The following IQCJ variants were observed in gnomAD, a reference collection of about 807,000 sequenced individuals.
The protein encoded by IQCJ is IQ motif containing J, also known as IQ domain-containing protein J.
In IQCJ, 9 loss-of-function variants were observed where a neutral mutation model predicts 11.0. That is an observed-to-expected ratio of 0.82 (90% CI 0.49 to 1.43). IQCJ has a LOEUF of 1.43. IQCJ is among the 40% of genes most tolerant of loss of function. IQCJ has a pLI of 0.00. For missense variants in IQCJ, 146 were observed against 133.2 expected, an observed-to-expected ratio of 1.10 and a Z score of -0.47; for synonymous variants, 55 against 51.3, an observed-to-expected ratio of 1.07 and a Z score of -0.31.
At chr3:159,093,235 T>C (rs1212901220) in intron 1 of IQCJ, among the ~76,000 whole-genome samples, 1 of 151,800 alleles carries the variant, frequency 6.6e-6, no homozygotes, top group Non-Finnish European at 1.5e-5. Flanking sequence ...TAGACTCTCG[T>C]GACAATTTGG....
intron 1 of IQCJ, among the ~76,000 whole-genome samples, chr3:159,113,588 A>G (rs868379829): frequency 8.5e-5 from 13 of 152,256 alleles, no homozygotes; most frequent in Non-Finnish European, 1.5e-5. Flanking sequence ...GAGTTCAAAG[A>G]TAGCTCTGCC....
At chr3:159,255,676 C>T (rs1560044716) in intron 3 of IQCJ, among the ~76,000 whole-genome samples, 2 of 152,092 alleles carry the variant, frequency 1.3e-5, no homozygotes, top group Non-Finnish European at 2.9e-5. Context: ...GGTCCATTAC[C>T]TGGTTCATGA....
At chr3:159,082,838 A>G (rs1185305660) in intron 1 of IQCJ, among the ~76,000 whole-genome samples, 1 of 152,110 alleles carries the variant, frequency 6.6e-6, no homozygotes, top group Admixed American at 6.6e-5. Flanking sequence ...GAAAAGGAAG[A>G]GGGAGACCCA....
chr3:159,215,838 C>T (rs764999038), intron 1 of IQCJ, among the ~76,000 whole-genome samples: 1 of 151,902 alleles, frequency 6.6e-6, no homozygotes, highest in Admixed American at 6.6e-5. Flanking sequence ...CAATTTTCTC[C>T]TACATTACAC....
chr3:159,123,104 G>T (rs1214572034), intron 1 of IQCJ, among the ~76,000 whole-genome samples: 1 of 151,756 alleles, frequency 6.6e-6, no homozygotes, highest in African/African-American at 2.4e-5. Context: ...TATGCTTGAG[G>T]TAACACAACA....
At chr3:159,137,351 C>G (rs1234941224) in intron 1 of IQCJ, among the ~76,000 whole-genome samples, 1 of 151,840 alleles carries the variant, frequency 6.6e-6, no homozygotes, top group Non-Finnish European at 1.5e-5. Context: ...ATGCATAAAG[C>G]TATTCATGTG....
At chr3:159,236,178 G>T (rs1726571851) in intron 1 of IQCJ, among the ~76,000 whole-genome samples, 1 of 149,834 alleles carries the variant, frequency 6.7e-6, no homozygotes, top group African/African-American at 2.5e-5. Context: ...GTGTTTAGCT[G>T]CAAGGTAACT....
chr3:159,141,471 T>A (rs116306050), intron 1 of IQCJ, among the ~76,000 whole-genome samples: 3,159 of 152,268 alleles, frequency 0.021, 90 homozygotes, highest in African/African-American at 0.072. Flanking sequence ...ATAATAACAA[T>A]CTCTTTAGAA....
At chr3:159,253,934 G>T (rs1054792496) in intron 3 of IQCJ, among the ~76,000 whole-genome samples, 2 of 152,184 alleles carry the variant, frequency 1.3e-5, no homozygotes, top group Admixed American at 6.5e-5. Context: ...CCAGTAAAAA[G>T]CTTGCCTCTG....
intron 1 of IQCJ, among the ~76,000 whole-genome samples, chr3:159,227,029 C>G (rs1474613167): frequency 1.3e-5 from 2 of 152,208 alleles, no homozygotes; most frequent in Non-Finnish European, 2.9e-5. Context: ...TAATACCAGA[C>G]AGCTGCTGAA....
intron 1 of IQCJ, among the ~76,000 whole-genome samples, chr3:159,151,700 A>G (rs977718966): frequency 5.3e-5 from 8 of 152,168 alleles, no homozygotes; most frequent in Non-Finnish European, 1.2e-4. Flanking sequence ...CAGTGGCGCT[A>G]TATTGGTTCA....
intron 1 of IQCJ, among the ~76,000 whole-genome samples, chr3:159,163,283 G>T (rs1160383402): frequency 1.3e-5 from 2 of 152,118 alleles, no homozygotes; most frequent in African/African-American, 4.8e-5. Flanking sequence ...ACAAATCAAT[G>T]AATGTAATCC....
At chr3:159,178,774 T>C (rs986359402) in intron 1 of IQCJ, among the ~76,000 whole-genome samples, 2 of 152,142 alleles carry the variant, frequency 1.3e-5, no homozygotes, top group African/African-American at 4.8e-5. Flanking sequence ...GGAAGTGTTA[T>C]TATCTCAGTT....
chr3:159,139,858 C>A lies in IQCJ; in HGVS notation c.9+70417C>A, dbSNP rs1001342485. On this transcript the variant is annotated intron_variant, in intron 1 of 3. Transcript: ENST00000397832. ...ATTAGATATAAGATGTGGTATTATG[C>A]CCATTTGCCTAATAAAGAAATATTG... Among the ~76,000 whole-genome samples the A allele has an allele frequency of 2.0e-5, 3 of 152,154 alleles. No individual in the cohort carries two copies. In the South Asian group the frequency reaches 6.2e-4, roughly 32 times the overall value.
chr3:159,126,415 T>A (rs1277174989), intron 1 of IQCJ, among the ~76,000 whole-genome samples: 1 of 152,230 alleles, frequency 6.6e-6, no homozygotes, highest in African/African-American at 2.4e-5. Flanking sequence ...ATTTCCTCTC[T>A]CTGGAGTCAG....
At chr3:159,107,823 T>G (rs1199494450) in intron 1 of IQCJ, among the ~76,000 whole-genome samples, 2 of 152,048 alleles carry the variant, frequency 1.3e-5, no homozygotes, top group Admixed American at 1.3e-4. Flanking sequence ...CTGAGCTTTC[T>G]AACCAACAAG....
chr3:159,229,872 G>A (rs1366453691), intron 1 of IQCJ, among the ~76,000 whole-genome samples: 5 of 83,798 alleles, frequency 6.0e-5, no homozygotes, highest in African/African-American at 1.5e-4. Flanking sequence ...TCCTTTTTCC[G>A]GGTTAAAATT....
intron 1 of IQCJ, among the ~76,000 whole-genome samples, chr3:159,152,198 G>T (rs1006665580): frequency 6.6e-6 from 1 of 152,192 alleles, no homozygotes; most frequent in African/African-American, 2.4e-5. Flanking sequence ...CATGGTAGAA[G>T]CTAGTGAAGA....
chr3:159,254,033 C>T (rs1727755675), intron 3 of IQCJ, among the ~76,000 whole-genome samples: 1 of 152,208 alleles, frequency 6.6e-6, no homozygotes, highest in African/African-American at 2.4e-5. Flanking sequence ...CTGTGTCACA[C>T]TTACTAAATA....
Sources: allele counts gnomAD v4.1 joint callset (sites outside exome capture counted in the v4.1 genomes callset), GRCh38; gene constraint gnomAD v4.1.1; transcripts MANE v1.5; gene names NCBI Gene and HGNC (gene_info 2026-07-23, HGNC 2026-07-21).